Variants in LPP observed in about 807,000 individuals in gnomAD.
LPP encodes the protein lipoma-preferred partner.
LPP carries 38 observed loss-of-function variants against 60.4 expected under a neutral mutation model. That is an observed-to-expected ratio of 0.63 (90% confidence interval 0.49 to 0.83). The LOEUF (loss-of-function observed/expected upper bound fraction) is 0.83, where lower values mean the gene tolerates loss of function less well. LPP is among the 40% of genes least tolerant of loss of function. The pLI is 0.00. For synonymous variants in LPP, 328 were observed against 290.8 expected, an observed-to-expected ratio of 1.13 and a Z score of -1.30; for missense variants, 902 against 783.6, an observed-to-expected ratio of 1.15 and a Z score of -1.80.
upstream of LPP, chr3:188,153,827 C>G: frequency 6.6e-6 from 1 of 151,482 alleles, no homozygotes; most frequent in East Asian, 2.0e-4. Context: ...GCCTCCAGCG[C>G]TCAGGGCACC....
chr3:188,329,154 A>T (rs940128905), intron 2 of LPP, among the ~76,000 whole-genome samples: 1 of 152,212 alleles, frequency 6.6e-6, no homozygotes, highest in African/African-American at 2.4e-5. Flanking sequence ...TCACACATTA[A>T]CAGCCACTCA....
chr3:188,186,589 GTT>G (rs5855183), intron 1 of LPP, among the ~76,000 whole-genome samples: 28 of 147,850 alleles, frequency 1.9e-4, no homozygotes, highest in Non-Finnish European at 1.5e-4. Context: ...TTTTTTCTAA[GTT>G]TTTTTTTTTT....
intron 7 of LPP, among the ~76,000 whole-genome samples, chr3:188,704,736 G>T (rs978708322): frequency 3.3e-5 from 5 of 151,094 alleles, no homozygotes; most frequent in African/African-American, 1.2e-4. Context: ...AGTAAATTTT[G>T]TGTACACTGC....
intron 6 of LPP, among the ~76,000 whole-genome samples, chr3:188,550,904 T>G (rs1471854183): frequency 6.6e-6 from 1 of 152,180 alleles, no homozygotes; most frequent in Admixed American, 6.5e-5. Flanking sequence ...TTAGTTGGTG[T>G]CACTATATCT....
intron 7 of LPP, among the ~76,000 whole-genome samples, chr3:188,673,242 GT>G (rs1308280866): frequency 1.3e-5 from 2 of 151,724 alleles, no homozygotes; most frequent in Non-Finnish European, 2.9e-5. Flanking sequence ...TTGTTTGTTT[GT>G]TTGTTTTTAA....
intron 7 of LPP, among the ~76,000 whole-genome samples, chr3:188,613,140 C>A (rs1347227328): frequency 6.6e-6 from 1 of 151,112 alleles, no homozygotes; most frequent in African/African-American, 2.4e-5. Context: ...CACTGGAAAT[C>A]CTCTTAAAGA....
chr3:188,693,771 G>A (rs1446744122), intron 7 of LPP, among the ~76,000 whole-genome samples: 1 of 152,108 alleles, frequency 6.6e-6, no homozygotes, highest in Non-Finnish European at 1.5e-5. Context: ...ATCTCAGAAT[G>A]CTGCATAAAT....
intron 4 of LPP, among the ~76,000 whole-genome samples, chr3:188,415,852 C>G (rs530614784): frequency 4.0e-4 from 61 of 152,104 alleles, no homozygotes; most frequent in African/African-American, 1.4e-3. Flanking sequence ...AGATCTGTAC[C>G]TCAATTGGAG....
At chr3:188,175,367 C>T (rs914660206) in intron 1 of LPP, among the ~76,000 whole-genome samples, 4 of 152,142 alleles carry the variant, frequency 2.6e-5, no homozygotes, top group Admixed American at 6.5e-5. Context: ...GGATTACAGG[C>T]GTGAGCCACC....
rs186017075 is a variant in LPP at position 188,451,003 on chromosome 3, A to C, written c.194-33589A>C. ...GTGGCTGTGGGGAGGGTGCTTGATC[A>C]TAGTGCATTTTAATATTGAGTTTCA... On this transcript the variant is annotated intron_variant, in intron 4 of 11. Coordinates refer to ENST00000617246, the MANE Select transcript of LPP (RefSeq NM_001375462.1). Among the ~76,000 whole-genome samples the C allele has an allele frequency of 4.2e-3, 636 of 152,148 alleles. 1 individual carries two copies. The highest frequency in any genetic ancestry group is 7.9e-3 in the Admixed American group (121 of 15,286).
chr3:188,240,851 A>T (rs998589652), intron 2 of LPP, among the ~76,000 whole-genome samples: 1 of 151,984 alleles, frequency 6.6e-6, no homozygotes, highest in Non-Finnish European at 1.5e-5. Context: ...TAGTGAATGA[A>T]CCTCCCTATT....
chr3:188,555,176 G>C (rs1829177359), intron 6 of LPP, among the ~76,000 whole-genome samples: 1 of 152,070 alleles, frequency 6.6e-6, no homozygotes, highest in African/African-American at 2.4e-5. Context: ...GCTGGCATCT[G>C]GCATTTTTAA....
chr3:188,477,377 G>C (rs1803509120), intron 4 of LPP, among the ~76,000 whole-genome samples: 1 of 152,190 alleles, frequency 6.6e-6, no homozygotes, highest in African/African-American at 2.4e-5. Flanking sequence ...TTCCTTGTCA[G>C]AGAGAAGGGC....
chr3:188,642,656 G>T (rs1850378042), intron 7 of LPP, among the ~76,000 whole-genome samples: 1 of 152,154 alleles, frequency 6.6e-6, no homozygotes, highest in Non-Finnish European at 1.5e-5. Flanking sequence ...CTGATAATCG[G>T]TCAGGTGCGG....
intron 6 of LPP, among the ~76,000 whole-genome samples, chr3:188,592,563 T>TTTTTTTTTTTTTTTTTTTTTTG: frequency 1.3e-5 from 1 of 77,226 alleles, no homozygotes; most frequent in Admixed American, 1.3e-4. Context: ...TTTTGTTTTT[T>TTTTTTTTTTTTTTTTTTTTTTG]AAATGGAGTC....
intron 3 of LPP, among the ~76,000 whole-genome samples, chr3:188,392,146 A>G (rs1433943546): frequency 1.3e-5 from 2 of 152,232 alleles, no homozygotes; most frequent in Non-Finnish European, 2.9e-5. Flanking sequence ...AACCAGAGTA[A>G]CAATTACGTT....
chr3:188,597,346 G>C (rs1840187860), intron 6 of LPP, among the ~76,000 whole-genome samples: 1 of 152,102 alleles, frequency 6.6e-6, no homozygotes, highest in Non-Finnish European at 1.5e-5. Context: ...TCTCAAGGTG[G>C]TCACATTTTA....
intron 2 of LPP, among the ~76,000 whole-genome samples, chr3:188,337,802 G>A (rs1762072935): frequency 6.6e-6 from 1 of 152,168 alleles, no homozygotes; most frequent in South Asian, 2.1e-4. Flanking sequence ...GCCTGGCCCA[G>A]TTATTTTTGT....
At chr3:188,830,155 A>T (rs965447103) in intron 9 of LPP, among the ~76,000 whole-genome samples, 1 of 152,106 alleles carries the variant, frequency 6.6e-6, no homozygotes, top group Non-Finnish European at 1.5e-5. Context: ...TGGACATTTT[A>T]TGTAATTTCC....
Sources: gnomAD v4.1 joint callset for allele counts (sites outside exome capture counted in the v4.1 genomes callset) on GRCh38, gnomAD v4.1.1 for gene constraint, MANE v1.5 for transcripts, NCBI Gene and HGNC (gene_info 2026-07-23, HGNC 2026-07-21) for gene names.